Variants in PCDHGB6 observed in about 807,000 individuals in gnomAD.
PCDHGB6 encodes the protein protocadherin gamma-B6.
In PCDHGB6, 51 loss-of-function variants were observed where a neutral mutation model predicts 59.1. The ratio of observed to expected loss-of-function variants is 0.86; its 90% CI spans 0.69 to 1.09. PCDHGB6 has a LOEUF of 1.09. Among genes scored for constraint, PCDHGB6 ranks in the 50% least tolerant of loss-of-function variants. PCDHGB6 has a pLI of 0.00. For synonymous variants in PCDHGB6, 466 were observed against 495.1 expected, an observed-to-expected ratio of 0.94 and a Z score of 0.78; for missense variants, 1,148 against 1,205.1, an observed-to-expected ratio of 0.95 and a Z score of 0.70.
At position 141,408,373 on chromosome 5, in the gene PCDHGB6, T is replaced by C; in HGVS notation, c.171T>C (p.Ser57=). ...ACCTCGCTAAGGATCTAGGGCTCAGTGTCCTGGATGTGTCGGCTCGCAAGC... is the reference window on the plus strand; with the variant it reads ...ACCTCGCTAAGGATCTAGGGCTCAGCGTCCTGGATGTGTCGGCTCGCAAGC... ...VGNLAKDLGL[S]VLDVSARKLR... is the part of the protein sequence containing the mutation. Residue 57 remains serine, a synonymous_variant, in exon 1 of 4, where the codon AGT becomes AGC. Transcript: ENST00000520790. 6.2e-7 allele frequency: 1 copy of C among 1,613,952 alleles called. No homozygotes were observed. The highest frequency in any genetic ancestry group is 8.5e-7 in the Non-Finnish European group (1 of 1,179,842).
At chr5:141,469,543 C>G (rs1031152008) in intron 1 of PCDHGB6, among the ~76,000 whole-genome samples, 4 of 152,040 alleles carry the variant, frequency 2.6e-5, no homozygotes, top group Non-Finnish European at 4.4e-5. Flanking sequence ...CCACTGCACT[C>G]CAGCCTGGCG....
In PCDHGB6 at chr5:141,413,117, C is replaced by G. The variant is rs902301902; in HGVS notation, c.2418+2497C>G. 1.9e-5 allele frequency: 29 copies of G among 1,509,004 alleles called. No homozygotes were observed. In the African/African-American group the frequency reaches 4.1e-4, roughly 21 times the overall value. The allele number at this position is 1,509,004 out of a possible 1,614,324, so 93.5% of individuals were successfully genotyped here. ...TGAAGCCACAGAAAGACAAAGGAAC[C>G]GGTTGAAACACACAACGTGTCCAGT... On this transcript the variant is annotated intron_variant, in intron 1 of 3. Transcript: ENST00000520790.
rs1303289792 is a variant in PCDHGB6 at position 141,409,419 on chromosome 5, CAGAT to C, written c.1218_1221del (p.Asp407GlufsTer16). 3.1e-6 allele frequency: 5 copies of C among 1,614,028 alleles called. No homozygotes were observed. The highest frequency in any genetic ancestry group is 3.4e-6 in the Non-Finnish European group (4 of 1,179,904). ...TCCAATAACTACTACAAACTGGTGA[CAGAT>C]GGAGCCCTGGACCGAGAGCAGACAC... On this transcript the variant is annotated frameshift_variant, in exon 1 of 4. Transcript: ENST00000520790. LOFTEE classifies it high-confidence loss of function.
intron 3 of PCDHGB6, 89 bp from the exon 4 acceptor site, chr5:141,510,858 T>G: frequency 6.2e-7 from 1 of 1,606,182 alleles, no homozygotes; most frequent in Non-Finnish European, 8.5e-7. Context: ...GGGTGCTGTA[T>G]AGGCATTCAT....
rs760747309 is a variant in PCDHGB6, at chr5:141,477,613, A to G, written c.2419-17194A>G. 1.2e-6 allele frequency: 2 copies of G among 1,614,210 alleles called. No individual in the cohort carries two copies. Among genetic ancestry groups the G allele is most frequent in the Non-Finnish European group, 8.5e-7 (1 of 1,180,044 alleles). ...GGCTTTCTTTCTTTCTCTTGGAGCA[A>G]GGAGCTGAAACCGGGCTAGTGGGTC... On this transcript the variant is annotated intron_variant, in intron 1 of 3. Coordinates refer to ENST00000520790, the MANE Select transcript of PCDHGB6 (RefSeq NM_018926.3). This position sits in a 1 kb window ranked among gnomAD's most constrained non-coding sequence, Gnocchi z 4.9.
At position 141,410,118 on chromosome 5, in the gene PCDHGB6, G is replaced by C; in HGVS notation, c.1916G>C (p.Arg639Pro). 1.2e-6 allele frequency: 2 copies of C among 1,612,422 alleles called. No individual in the cohort carries two copies. The highest frequency in any genetic ancestry group is 2.7e-5 in the African/African-American group (2 of 75,016). Residue 639 changes from arginine (R) to proline (P), a missense_variant, in exon 1 of 4, where the codon CGC (arginine) becomes CCC (proline). Transcript: ENST00000520790. ...ARALGDRDAA[R>P]QRLLVAVRDG... Reference sequence around the variant, plus strand: ...GCCTTAGGCGACAGGGACGCAGCCCGCCAGCGCCTGCTGGTCGCTGTGCGT... The same window carrying C: ...GCCTTAGGCGACAGGGACGCAGCCCCCCAGCGCCTGCTGGTCGCTGTGCGT...
intron 1 of PCDHGB6, chr5:141,422,463 C>G (rs1461108652): frequency 6.2e-7 from 1 of 1,613,472 alleles, no homozygotes; most frequent in Non-Finnish European, 8.5e-7. Flanking sequence ...GAGTGCTGGA[C>G]AGGGAGTTGG....
rs764586891 is a variant in PCDHGB6, at chr5:141,477,616, A to G, written c.2419-17191A>G. On this transcript the variant is annotated intron_variant, in intron 1 of 3. Coordinates refer to ENST00000520790, the MANE Select transcript of PCDHGB6 (RefSeq NM_018926.3). This position sits in a 1 kb window ranked among gnomAD's most constrained non-coding sequence, Gnocchi z 4.9. ...TTTCTTTCTTTCTCTTGGAGCAAGGAGCTGAAACCGGGCTAGTGGGTCGCT... is the reference window on the plus strand; with the variant it reads ...TTTCTTTCTTTCTCTTGGAGCAAGGGGCTGAAACCGGGCTAGTGGGTCGCT... The G allele has an allele frequency of 1.2e-6, 2 of 1,614,068 alleles. No individual in the cohort carries two copies. Among genetic ancestry groups the G allele is most frequent in the African/African-American group, 2.7e-5 (2 of 74,924 alleles).
intron 1 of PCDHGB6, chr5:141,422,368 G>A: frequency 1.9e-6 from 3 of 1,565,294 alleles, no homozygotes; most frequent in Non-Finnish European, 2.6e-6. Context: ...TGGAGAAAAT[G>A]GTCAAGTCTC....
intron 1 of PCDHGB6, chr5:141,441,746 C>A: frequency 5.4e-6 from 2 of 371,314 alleles, no homozygotes; most frequent in East Asian, 9.8e-5. Flanking sequence ...TCGCGCTCGG[C>A]GTCAACGTGA....
intron 1 of PCDHGB6, chr5:141,427,795 C>A: frequency 6.7e-7 from 1 of 1,499,260 alleles, no homozygotes; most frequent in Non-Finnish European, 9.2e-7. Context: ...TCCTACGTGT[C>A]CGTGAGCGCA....
rs2097372368 is a variant in PCDHGB6 at position 141,431,422 on chromosome 5, G to A, written c.2418+20802G>A. On this transcript the variant is annotated intron_variant, in intron 1 of 3. Coordinates refer to ENST00000520790, the MANE Select transcript of PCDHGB6 (RefSeq NM_018926.3). This position sits in a 1 kb window ranked among gnomAD's most constrained non-coding sequence, Gnocchi z 4.8. ...CGGCCTCCGACGGGGGCGACCCGGTGCGCACAGGCACCGCGCGCATCCGCG... is the reference window on the plus strand; with the variant it reads ...CGGCCTCCGACGGGGGCGACCCGGTACGCACAGGCACCGCGCGCATCCGCG... 6.2e-7 allele frequency: 1 copy of A among 1,613,710 alleles called. No individual in the cohort carries two copies. The highest frequency in any genetic ancestry group is 2.2e-5 in the East Asian group (1 of 44,882).
intron 1 of PCDHGB6, among the ~76,000 whole-genome samples, chr5:141,466,627 C>G (rs1448245449): frequency 6.6e-6 from 1 of 152,154 alleles, no homozygotes; most frequent in African/African-American, 2.4e-5. Flanking sequence ...TTCTTTGGAG[C>G]ATTGTCTCCA....
In PCDHGB6 at chr5:141,490,963, G is replaced by GC; in HGVS notation, c.2419-3838dup. 6.2e-7 allele frequency: 1 copy of GC among 1,613,760 alleles called. No individual in the cohort carries two copies. On this transcript the variant is annotated intron_variant, in intron 1 of 3. Transcript: ENST00000520790. This position sits in a 1 kb window ranked among gnomAD's most constrained non-coding sequence, Gnocchi z 5.4. ...CCCACGGCCAGACTGGGAACACTCA[G>GC]CCCCCCAGCGTCTCCCTCGCTCTGC...
At chr5:141,417,915 C>T in intron 1 of PCDHGB6, 1 of 1,603,354 alleles carries the variant, frequency 6.2e-7, no homozygotes. Flanking sequence ...GTACTATTTC[C>T]TTTGCTGCTG....
intron 1 of PCDHGB6, among the ~76,000 whole-genome samples, chr5:141,452,455 C>T (rs2098741536): frequency 6.6e-6 from 1 of 152,208 alleles, no homozygotes; most frequent in Non-Finnish European, 1.5e-5. Flanking sequence ...GCCTTGTCAG[C>T]AGACGGAGCT....
chr5:141,478,920 C>T lies in PCDHGB6; in HGVS notation c.2419-15887C>T, dbSNP rs559060283. On this transcript the variant is annotated intron_variant, in intron 1 of 3. Transcript: ENST00000520790. Reference sequence around the variant, plus strand: ...GGAATAAGCTGCTGGATACCTCTAACCAGTGGCAGCTTCTAGGAATACAAA... The same window carrying T: ...GGAATAAGCTGCTGGATACCTCTAATCAGTGGCAGCTTCTAGGAATACAAA... 608 of 728,392 alleles carry T rather than the reference C, an allele frequency of 8.3e-4. 2 individuals are homozygous for T. The highest frequency in any genetic ancestry group is 1.2e-3 in the South Asian group (55 of 44,196). 45.1% of individuals were successfully genotyped at this position (728,392 alleles called of 1,614,324 possible).
At chr5:141,456,860 G>A (rs1345260160) in intron 1 of PCDHGB6, among the ~76,000 whole-genome samples, 1 of 152,170 alleles carries the variant, frequency 6.6e-6, no homozygotes, top group African/African-American at 2.4e-5. Flanking sequence ...CTAATTGGGA[G>A]GCTGAGGCAG....
intron 1 of PCDHGB6, chr5:141,427,650 G>A (rs1352503291): frequency 1.4e-6 from 1 of 718,312 alleles, no homozygotes; most frequent in Admixed American, 2.0e-5. Flanking sequence ...AGTCTCCTAC[G>A]TGGTCCACGT....
Sources: allele counts gnomAD v4.1 joint callset (sites outside exome capture counted in the v4.1 genomes callset), GRCh38; gene constraint gnomAD v4.1.1; non-coding constraint Gnocchi (gnomAD v3.1); transcripts MANE v1.5; gene names NCBI Gene and HGNC (gene_info 2026-07-23, HGNC 2026-07-21).